Variants in XKR4 observed in about 807,000 individuals in gnomAD.
XKR4 encodes the protein XK related 4, also known as XK-related protein 4.
XKR4 carries 12 observed loss-of-function variants against 53.9 expected under a neutral mutation model. That is an observed-to-expected ratio of 0.22 (90% CI 0.14 to 0.36). The LOEUF (loss-of-function observed/expected upper bound fraction) is 0.36, where lower values mean the gene tolerates loss of function less well. Among genes scored for constraint, XKR4 ranks in the 10% least tolerant of loss-of-function variants. The pLI is 1.00. For missense variants in XKR4, 799 were observed against 859.5 expected, an observed-to-expected ratio of 0.93 and a Z score of 0.88; for synonymous variants, 354 against 362.4, an observed-to-expected ratio of 0.98 and a Z score of 0.26.
chr8:55,271,655 G>A (rs1818692700), intron 1 of XKR4, among the ~76,000 whole-genome samples: 2 of 152,258 alleles, frequency 1.3e-5, no homozygotes, highest in Non-Finnish European at 2.9e-5. Context: ...CTGATGGCCA[G>A]GGGCAGCTGG....
intron 1 of XKR4, among the ~76,000 whole-genome samples, chr8:55,112,957 A>G (rs1816253450): frequency 6.6e-6 from 1 of 152,074 alleles, no homozygotes. Flanking sequence ...GAAATCTACT[A>G]CTCGTAAGAG....
chr8:55,492,827 T>C (rs906231606), intron 2 of XKR4, among the ~76,000 whole-genome samples: 2 of 152,244 alleles, frequency 1.3e-5, no homozygotes, highest in African/African-American at 2.4e-5. Flanking sequence ...GATGTATTGC[T>C]ATTCAGTTGA....
chr8:55,165,770 ACTCCAGC>A (rs1817056551), intron 1 of XKR4, among the ~76,000 whole-genome samples: 1 of 150,090 alleles, frequency 6.7e-6, no homozygotes, highest in South Asian at 2.1e-4. Flanking sequence ...GTGCCACTGC[ACTCCAGC>A]CTGGGCGACA....
chr8:55,401,318 A>C (rs2939687), intron 2 of XKR4, among the ~76,000 whole-genome samples: 14,487 of 152,244 alleles, frequency 0.095, 1,415 homozygotes, highest in African/African-American at 0.25. Context: ...GCACACAAGG[A>C]GTGGGAGGCA....
chr8:55,229,868 CT>C (rs5891563), intron 1 of XKR4, among the ~76,000 whole-genome samples: 57,062 of 139,960 alleles, frequency 0.41, 11,781 homozygotes, highest in Non-Finnish European at 0.52. Flanking sequence ...AGTTAATTAG[CT>C]TTTTTTTTTT....
chr8:55,177,316 C>A (rs776362911), intron 1 of XKR4, among the ~76,000 whole-genome samples: 3 of 152,154 alleles, frequency 2.0e-5, no homozygotes, highest in African/African-American at 4.8e-5. Flanking sequence ...GGATTACAGG[C>A]GTGAGCCACC....
chr8:55,373,548 C>T (rs971691728), intron 2 of XKR4, among the ~76,000 whole-genome samples: 1 of 152,206 alleles, frequency 6.6e-6, no homozygotes, highest in Non-Finnish European at 1.5e-5. Flanking sequence ...AACTTCCCTA[C>T]ACTAGGGTTG....
chr8:55,183,651 C>T (rs76504196), intron 1 of XKR4, among the ~76,000 whole-genome samples: 4,389 of 152,164 alleles, frequency 0.029, 217 homozygotes, highest in African/African-American at 0.098. Context: ...TTTTATGCCA[C>T]AGGATGTGGT....
At chr8:55,247,855 C>CTTTCTTTCTTTCTTTCTTTCTTTTTT (rs369983175) in intron 1 of XKR4, among the ~76,000 whole-genome samples, 1 of 59,852 alleles carries the variant, frequency 1.7e-5, no homozygotes, top group Non-Finnish European at 4.5e-5. Flanking sequence ...TTCTTTCTTT[C>CTTTCTTTCTTTCTTTCTTTCTTTTTT]TTTTTTTTTT....
chr8:55,473,368 C>A (rs187206164), intron 2 of XKR4, among the ~76,000 whole-genome samples: 1 of 151,588 alleles, frequency 6.6e-6, no homozygotes, highest in Admixed American at 6.6e-5. Context: ...ACAACCCTAT[C>A]TTATTTATTT....
chr8:55,105,784 G>T (rs1816138160), intron 1 of XKR4, among the ~76,000 whole-genome samples: 1 of 152,126 alleles, frequency 6.6e-6, no homozygotes, highest in African/African-American at 2.4e-5. Flanking sequence ...CAAAACTTTA[G>T]CCTAATGTAG....
intron 1 of XKR4, among the ~76,000 whole-genome samples, chr8:55,149,936 G>T (rs2129355496): frequency 6.6e-6 from 1 of 152,194 alleles, no homozygotes. Context: ...CTTTATATTG[G>T]AAAGGCTTGC....
At position 55,454,674 on chromosome 8, in the gene XKR4, T is replaced by A; in HGVS notation, c.1007-68607T>A. Reference sequence around the variant, plus strand: ...TCAGCAGGTTCCCAATTACGTTCCCTGGGAACACATTCAGGCCCTCCACGT... The same window carrying A: ...TCAGCAGGTTCCCAATTACGTTCCCAGGGAACACATTCAGGCCCTCCACGT... On this transcript the variant is annotated intron_variant, in intron 2 of 2. Transcript: ENST00000327381. 3 of 939,048 alleles carry A rather than the reference T, an allele frequency of 3.2e-6. No individual in the cohort carries two copies. The South Asian group carries it at 4.1e-5, about 13-fold the overall frequency. The allele number at this position is 939,048 out of a possible 1,614,324, so 58.2% of individuals were successfully genotyped here.
At position 55,541,445 on chromosome 8, in the gene XKR4, G is replaced by A. The variant is rs1807099860; in HGVS notation, c.*17218G>A. On this transcript the variant is annotated 3_prime_UTR_variant, in exon 3 of 3. Coordinates refer to ENST00000327381, the MANE Select transcript of XKR4 (RefSeq NM_052898.2). ...GAAAAAAAAATGGAACAGGTGGCAG[G>A]TGAACAGCAAATGGAAGAGAATGGA... 1 of 152,198 alleles carries A rather than the reference G, an allele frequency of 6.6e-6. No individual in the cohort carries two copies. Among genetic ancestry groups the A allele is most frequent in the East Asian group, 1.9e-4 (1 of 5,182 alleles). The allele number at this position is 152,198 out of a possible 1,614,324, so 9.4% of individuals were successfully genotyped here.
chr8:55,209,097 C>T (rs4737940), intron 1 of XKR4, among the ~76,000 whole-genome samples: 126,290 of 152,190 alleles, frequency 0.83, 52,858 homozygotes, highest in East Asian at 0.96. Context: ...GCTGAATAAC[C>T]GGCTGAGTAG....
intron 1 of XKR4, among the ~76,000 whole-genome samples, chr8:55,249,460 T>C (rs548452412): frequency 2.0e-4 from 30 of 152,348 alleles, no homozygotes; most frequent in Admixed American, 3.9e-4. Flanking sequence ...CCAGTTCTCA[T>C]GATCGACCCT....
At chr8:55,341,439 G>A (rs981636476) in intron 1 of XKR4, among the ~76,000 whole-genome samples, 1 of 152,184 alleles carries the variant, frequency 6.6e-6, no homozygotes, top group Admixed American at 6.5e-5. Flanking sequence ...ATGTACCAGA[G>A]TGTGAGTGCT....
At chr8:55,452,236 G>A (rs1245032278) in intron 2 of XKR4, 6 of 647,700 alleles carry the variant, frequency 9.3e-6, no homozygotes, top group Admixed American at 2.4e-5. Flanking sequence ...GTGCAGGAGC[G>A]CAGCTGCAGC....
At position 55,149,217 on chromosome 8, in the gene XKR4, A is replaced by G. The variant is rs550049809; in HGVS notation, c.806+45923A>G. On this transcript the variant is annotated intron_variant, in intron 1 of 2. Coordinates refer to ENST00000327381, the MANE Select transcript of XKR4 (RefSeq NM_052898.2). Reference sequence around the variant, plus strand: ...GGCTTCTTTATAACTTGCTAGACCCATCCAGCTATCCTGATTGTCCCTCAT... The same window carrying G: ...GGCTTCTTTATAACTTGCTAGACCCGTCCAGCTATCCTGATTGTCCCTCAT... Among the ~76,000 whole-genome samples the G allele has an allele frequency of 2.8e-4, 42 of 152,306 alleles. 1 individual carries two copies. The South Asian group carries it at 8.1e-3, about 29-fold the overall frequency.
Sources: allele counts gnomAD v4.1 joint callset (sites outside exome capture counted in the v4.1 genomes callset), GRCh38; gene constraint gnomAD v4.1.1; transcripts MANE v1.5; gene names NCBI Gene and HGNC (gene_info 2026-07-23, HGNC 2026-07-21).